The following PRKG1 variants were observed in gnomAD, a reference collection of about 807,000 sequenced individuals.
The protein encoded by PRKG1 is cGMP-dependent protein kinase 1.
A neutral mutation model predicts 88.1 loss-of-function variants in PRKG1; 35 were observed. That is an observed-to-expected ratio of 0.40 (90% CI 0.30 to 0.53). PRKG1 has a LOEUF of 0.53. Among genes scored for constraint, PRKG1 ranks in the 20% least tolerant of loss-of-function variants. PRKG1 has a pLI of 0.59. For missense variants in PRKG1, 540 were observed against 839.8 expected (o/e 0.64, Z 4.41); for synonymous variants, 303 against 292.5 (o/e 1.04, Z -0.37).
chr10:51,277,948 T>C (rs1374638861), intron 2 of PRKG1, among the ~76,000 whole-genome samples: 2 of 152,196 alleles, frequency 1.3e-5, no homozygotes, highest in East Asian at 1.9e-4. Flanking sequence ...CCTTTCTTTC[T>C]TTCTCCTGCC....
chr10:51,007,129 T>TG (rs568934336), intron 1 of PRKG1, among the ~76,000 whole-genome samples: 70 of 151,766 alleles, frequency 4.6e-4, no homozygotes, highest in Middle Eastern at 6.8e-3. Context: ...AGTAGAGATG[T>TG]GGGGGGTGGG....
intron 2 of PRKG1, among the ~76,000 whole-genome samples, chr10:51,415,910 A>AGTGTGTGTGT (rs71459419): frequency 0.016 from 2,292 of 147,214 alleles, 41 homozygotes; most frequent in Admixed American, 0.047. Flanking sequence ...TAGAGCTTCC[A>AGTGTGTGTGT]GTGTGTGTGT....
rs537622325 is a variant in PRKG1 at position 51,962,652 on chromosome 10, A to G, written c.762+55082A>G. On this transcript the variant is annotated intron_variant, in intron 5 of 17. Transcript: ENST00000373980. Reference sequence around the variant, plus strand: ...TTTTTTCCTGACTCTTTCCAGATATAATTTAACTAATGTAATGTCTACCTT... The same window carrying G: ...TTTTTTCCTGACTCTTTCCAGATATGATTTAACTAATGTAATGTCTACCTT... 5.9e-5 allele frequency among the ~76,000 whole-genome samples: 9 copies of G among 152,160 alleles called. No homozygotes were observed. The South Asian group carries it at 1.7e-3, about 28-fold the overall frequency.
At chr10:52,204,073 G>GTTA (rs140296072) in intron 9 of PRKG1, among the ~76,000 whole-genome samples, 19,053 of 75,060 alleles carry the variant, frequency 0.25, 1,380 homozygotes, top group South Asian at 0.42. Context: ...TTGTTCGCTG[G>GTTA]TTATTATTAT....
chr10:52,231,112 T>A (rs1256299463), intron 9 of PRKG1: 1 of 152,188 alleles, frequency 6.6e-6, no homozygotes, highest in Non-Finnish European at 1.5e-5. Flanking sequence ...CGTATTTATA[T>A]TTTGGCTGGG....
At chr10:52,148,000 C>T (rs1244464439) in intron 8 of PRKG1, among the ~76,000 whole-genome samples, 4 of 152,072 alleles carry the variant, frequency 2.6e-5, no homozygotes, top group African/African-American at 7.2e-5. Context: ...TGAAGGTCAT[C>T]GGCCTGGGGA....
chr10:51,510,964 G>C (rs1484505877), intron 3 of PRKG1, among the ~76,000 whole-genome samples: 1 of 150,576 alleles, frequency 6.6e-6, no homozygotes, highest in Admixed American at 6.6e-5. Context: ...ATGCTGGCCA[G>C]GCTGGTCTTG....
At chr10:51,196,234 A>G (rs531349972) in intron 2 of PRKG1, among the ~76,000 whole-genome samples, 1 of 152,332 alleles carries the variant, frequency 6.6e-6, no homozygotes, top group African/African-American at 2.4e-5. Flanking sequence ...TTTATCAACT[A>G]TGTTGAAAAC....
chr10:51,833,204 T>C (rs1002071956), intron 4 of PRKG1, among the ~76,000 whole-genome samples: 1 of 152,010 alleles, frequency 6.6e-6, no homozygotes, highest in African/African-American at 2.4e-5. Flanking sequence ...GCAACTGGAG[T>C]TGACAAGAAA....
At chr10:51,128,749 T>C (rs531526266) in intron 1 of PRKG1, among the ~76,000 whole-genome samples, 2 of 152,280 alleles carry the variant, frequency 1.3e-5, no homozygotes, top group African/African-American at 2.4e-5. Context: ...ATTAAATACT[T>C]GGTAATTAGA....
At chr10:52,004,601 A>G (rs534877983) in intron 5 of PRKG1, among the ~76,000 whole-genome samples, 4 of 152,338 alleles carry the variant, frequency 2.6e-5, no homozygotes, top group Non-Finnish European at 5.9e-5. Context: ...TTAAAAATGC[A>G]TAGCATGGAA....
intron 4 of PRKG1, among the ~76,000 whole-genome samples, chr10:51,861,146 G>A (rs943748382): frequency 1.3e-5 from 2 of 152,188 alleles, no homozygotes; most frequent in Admixed American, 1.3e-4. Flanking sequence ...CAGCTGCAAA[G>A]TTAAGTGGCA....
At chr10:51,805,948 A>G (rs1450751669) in intron 4 of PRKG1, among the ~76,000 whole-genome samples, 1 of 152,254 alleles carries the variant, frequency 6.6e-6, no homozygotes, top group East Asian at 1.9e-4. Context: ...GTAAATTCCT[A>G]TTTGAAATTT....
chr10:51,767,866 G>A (rs917840646), intron 3 of PRKG1, among the ~76,000 whole-genome samples: 1 of 151,956 alleles, frequency 6.6e-6, no homozygotes, highest in African/African-American at 2.4e-5. Flanking sequence ...AACCCTCCAG[G>A]AAAATTAGCC....
intron 7 of PRKG1, among the ~76,000 whole-genome samples, chr10:52,106,813 A>T (rs1372864220): frequency 6.6e-6 from 1 of 151,572 alleles, no homozygotes; most frequent in African/African-American, 2.4e-5. Context: ...TTTCAATTCA[A>T]AAAAGCAAAT....
intron 2 of PRKG1, among the ~76,000 whole-genome samples, chr10:51,415,939 G>GTC (rs1437871734): frequency 6.6e-6 from 1 of 151,844 alleles, no homozygotes; most frequent in Non-Finnish European, 1.5e-5. Context: ...GTGTGTGTGT[G>GTC]TGTGTCTATG....
rs527305218 is a variant in PRKG1, at chr10:51,694,703, AT to A, written c.593-109878del. ...AACTATTATGATGAATGAATTGGTG[AT>A]TTTATTTTAGTCTACACATCCTAGG... On this transcript the variant is annotated intron_variant, in intron 3 of 17. Coordinates refer to ENST00000373980, the MANE Select transcript of PRKG1 (RefSeq NM_006258.4). Among the ~76,000 whole-genome samples, 10 of 152,292 alleles carry A rather than the reference AT, an allele frequency of 6.6e-5. No homozygotes were observed. The South Asian group carries it at 2.1e-3, about 32-fold the overall frequency.
At chr10:51,387,313 C>T (rs1468311302) in intron 2 of PRKG1, among the ~76,000 whole-genome samples, 1 of 148,490 alleles carries the variant, frequency 6.7e-6, no homozygotes, top group Non-Finnish European at 1.5e-5. Flanking sequence ...TATATATATA[C>T]ATATAAATAA....
At chr10:51,282,362 T>C (rs1232885105) in intron 2 of PRKG1, among the ~76,000 whole-genome samples, 1 of 152,052 alleles carries the variant, frequency 6.6e-6, no homozygotes, top group Non-Finnish European at 1.5e-5. Flanking sequence ...TGGTTATATA[T>C]ATATATAGAG....
Sources: gnomAD v4.1 joint callset for allele counts (sites outside exome capture counted in the v4.1 genomes callset) on GRCh38, gnomAD v4.1.1 for gene constraint, MANE v1.5 for transcripts, NCBI Gene and HGNC (gene_info 2026-07-23, HGNC 2026-07-21) for gene names.